The following NELL1 variants were observed in gnomAD, a reference collection of about 807,000 sequenced individuals.
NELL1 encodes the protein protein kinase C-binding protein NELL1.
In NELL1, 76 loss-of-function variants were observed where a neutral mutation model predicts 107.4. The ratio of observed to expected loss-of-function variants is 0.71; its 90% confidence interval spans 0.59 to 0.86. NELL1 has a LOEUF of 0.86. NELL1 is among the 40% of genes least tolerant of loss of function. The probability of loss-of-function intolerance (pLI) is 0.00; values close to 1 mark genes in which losing one functional copy is unlikely to be tolerated. For synonymous variants in NELL1, 353 were observed against 341.2 expected, an observed-to-expected ratio of 1.03 and a Z score of -0.38; for missense variants, 1,024 against 1,005.5, an observed-to-expected ratio of 1.02 and a Z score of -0.25.
intron 5 of NELL1, among the ~76,000 whole-genome samples, chr11:20,892,351 T>G (rs1371351112): frequency 6.6e-6 from 1 of 152,130 alleles, no homozygotes; most frequent in African/African-American, 2.4e-5. Context: ...GAACTGATTA[T>G]CAGAGAAATG....
intron 4 of NELL1, among the ~76,000 whole-genome samples, chr11:20,865,157 T>C (rs10766730): frequency 0.65 from 98,450 of 152,096 alleles, 33,384 homozygotes; most frequent in Non-Finnish European, 0.76. Flanking sequence ...GCTTCACTTG[T>C]AGGAGCTCTG....
chr11:21,371,065 T>G, intron 15 of NELL1, 117 bp downstream of exon 15: 1 of 763,116 alleles, frequency 1.3e-6, no homozygotes, highest in Non-Finnish European at 2.1e-6. Flanking sequence ...TACATTGTGT[T>G]GTGACGGTGG....
intron 15 of NELL1, among the ~76,000 whole-genome samples, chr11:21,529,419 C>T (rs1193667648): frequency 6.6e-6 from 1 of 152,168 alleles, no homozygotes; most frequent in African/African-American, 2.4e-5. Context: ...CTGTTTCTGC[C>T]TCAGGGTCTT....
At chr11:21,367,901 C>G (rs758856041) in intron 14 of NELL1, among the ~76,000 whole-genome samples, 5 of 152,200 alleles carry the variant, frequency 3.3e-5, no homozygotes, top group Non-Finnish European at 7.4e-5. Flanking sequence ...CTTCTGCCAT[C>G]AACTAAATAA....
chr11:20,749,923 T>G (rs1466073678), intron 2 of NELL1, among the ~76,000 whole-genome samples: 1 of 152,196 alleles, frequency 6.6e-6, no homozygotes, highest in Non-Finnish European at 1.5e-5. Context: ...TCAGCTAGTT[T>G]TCCATTGTAT....
intron 12 of NELL1, among the ~76,000 whole-genome samples, chr11:20,979,428 A>T (rs1590492445): frequency 6.6e-6 from 1 of 152,198 alleles, no homozygotes; most frequent in East Asian, 1.9e-4. Context: ...TACTGGGCCT[A>T]CCCCCATGTT....
intron 5 of NELL1, among the ~76,000 whole-genome samples, chr11:20,905,257 T>C (rs1455789033): frequency 1.3e-5 from 2 of 152,084 alleles, no homozygotes; most frequent in African/African-American, 4.8e-5. Context: ...TACTGTAGTA[T>C]TCAACAATAA....
intron 2 of NELL1, among the ~76,000 whole-genome samples, chr11:20,706,506 T>A (rs1464970210): frequency 2.6e-5 from 2 of 77,442 alleles, no homozygotes; most frequent in Non-Finnish European, 4.7e-5. Flanking sequence ...CATCACACAC[T>A]GGGGACTGTT....
At chr11:20,822,766 G>A (rs369295185) in intron 3 of NELL1, among the ~76,000 whole-genome samples, 3 of 152,306 alleles carry the variant, frequency 2.0e-5, no homozygotes, top group African/African-American at 7.2e-5. Flanking sequence ...ACCAGTGCAG[G>A]ATGGGGAGGT....
At chr11:21,144,658 C>A (rs1188924844) in intron 13 of NELL1, among the ~76,000 whole-genome samples, 1 of 152,134 alleles carries the variant, frequency 6.6e-6, no homozygotes, top group Non-Finnish European at 1.5e-5. Context: ...GAGTCTGCTG[C>A]TTTTAGCGTG....
At chr11:21,373,079 A>T (rs1851393575) in intron 15 of NELL1, among the ~76,000 whole-genome samples, 2 of 152,112 alleles carry the variant, frequency 1.3e-5, no homozygotes, top group African/African-American at 4.8e-5. Flanking sequence ...GTCATCATAA[A>T]GGGAAAAAAT....
intron 13 of NELL1, among the ~76,000 whole-genome samples, chr11:21,131,398 G>T (rs1590664931): frequency 1.3e-5 from 2 of 152,050 alleles, no homozygotes; most frequent in East Asian, 3.9e-4. Flanking sequence ...TTTGGTATTG[G>T]GTATTAGAGA....
Position 20,684,102 on chromosome 11 carries a change from A to G in NELL1, c.184+6042A>G, listed in dbSNP as rs184248294. Among the ~76,000 whole-genome samples, 246 of 147,384 alleles carry G rather than the reference A, an allele frequency of 1.7e-3. 1 individual carries two copies. The highest frequency in any genetic ancestry group is 5.9e-3 in the African/African-American group (235 of 40,034). On this transcript the variant is annotated intron_variant, in intron 2 of 19. Coordinates refer to ENST00000357134, the MANE Select transcript of NELL1 (RefSeq NM_006157.5). ...GTGTTCCATAACTAATTGATATTAT[A>G]TTTATTTAAAATATTTACTAAGGCC...
intron 12 of NELL1, among the ~76,000 whole-genome samples, chr11:21,047,945 A>G (rs1230326813): frequency 3.3e-5 from 5 of 152,170 alleles, no homozygotes; most frequent in Non-Finnish European, 5.9e-5. Context: ...TAGAAGGTGA[A>G]TGCTTCAAGT....
chr11:21,384,024 C>T (rs1467315248), intron 15 of NELL1: 1 of 151,942 alleles, frequency 6.6e-6, no homozygotes, highest in Non-Finnish European at 1.5e-5. Context: ...TTGCACTGCA[C>T]ATTCAAATTC....
At chr11:21,135,337 G>T (rs2133763734) in intron 13 of NELL1, among the ~76,000 whole-genome samples, 1 of 152,322 alleles carries the variant, frequency 6.6e-6, no homozygotes, top group East Asian at 1.9e-4. Context: ...TCCTATGGAT[G>T]TTAACTCATG....
chr11:21,385,892 CTT>C (rs1232353173), intron 15 of NELL1, among the ~76,000 whole-genome samples: 1 of 151,760 alleles, frequency 6.6e-6, no homozygotes, highest in African/African-American at 2.4e-5. Context: ...AGCTGGAACT[CTT>C]TGGATTTTCT....
chr11:21,076,095 G>A (rs891623582), intron 12 of NELL1, among the ~76,000 whole-genome samples: 1 of 152,186 alleles, frequency 6.6e-6, no homozygotes. Context: ...TTATTGAGTT[G>A]GATTGAAAAA....
At chr11:21,521,337 G>A (rs1454232549) in intron 15 of NELL1, among the ~76,000 whole-genome samples, 2 of 151,978 alleles carry the variant, frequency 1.3e-5, no homozygotes, top group Non-Finnish European at 2.9e-5. Flanking sequence ...GTTTAATTCT[G>A]TTGGGACCAG....
Sources: allele counts gnomAD v4.1 joint callset (sites outside exome capture counted in the v4.1 genomes callset), GRCh38; gene constraint gnomAD v4.1.1; transcripts MANE v1.5; gene names NCBI Gene and HGNC (gene_info 2026-07-23, HGNC 2026-07-21).